Variants in LRRC37A2 observed in about 807,000 individuals in gnomAD.
The protein encoded by LRRC37A2 is leucine-rich repeat-containing protein 37A2.
Under a neutral mutation model 68.8 loss-of-function variants are expected in LRRC37A2, and 9 were observed. That is an observed-to-expected ratio of 0.13 (90% confidence interval 0.08 to 0.23). LRRC37A2 has a LOEUF of 0.23. LRRC37A2 is among the 10% of genes least tolerant of loss of function. The pLI is 1.00. For missense variants in LRRC37A2, 168 were observed against 950.4 expected, an observed-to-expected ratio of 0.18 and a Z score of 10.82; for synonymous variants, 63 against 367.6, an observed-to-expected ratio of 0.17 and a Z score of 9.48.
At chr17:46,928,635 G>A in the LRRC37A2 span, among the ~76,000 whole-genome samples, 11 of 152,098 alleles carry the variant, frequency 7.2e-5, no homozygotes, top group African/African-American at 9.7e-5. Flanking sequence ...CAGTTCCTTC[G>A]TTCCTTGATA....
At chr17:46,909,028 G>T in the LRRC37A2 span, among the ~76,000 whole-genome samples, 2 of 152,152 alleles carry the variant, frequency 1.3e-5, no homozygotes, top group Non-Finnish European at 2.9e-5. Flanking sequence ...CTCATCAGAG[G>T]CCAAAGGTTA....
the LRRC37A2 span, among the ~76,000 whole-genome samples, chr17:46,985,622 A>C: frequency 6.6e-6 from 1 of 151,720 alleles, no homozygotes; most frequent in Admixed American, 6.6e-5. Context: ...CACAGTGGAG[A>C]ATGAGACAGG....
At chr17:46,835,382 T>A in the LRRC37A2 span, among the ~76,000 whole-genome samples, 2 of 152,080 alleles carry the variant, frequency 1.3e-5, no homozygotes, top group Non-Finnish European at 2.9e-5. Flanking sequence ...CAGCTAATTT[T>A]TAATATTTTT....
the LRRC37A2 span, among the ~76,000 whole-genome samples, chr17:46,775,248 G>C: frequency 6.6e-6 from 1 of 152,230 alleles, no homozygotes; most frequent in Non-Finnish European, 1.5e-5. Flanking sequence ...GGAAACTGAG[G>C]TTTAGAGAGT....
the LRRC37A2 span, among the ~76,000 whole-genome samples, chr17:46,747,868 C>T: frequency 6.6e-6 from 1 of 151,986 alleles, no homozygotes; most frequent in Non-Finnish European, 1.5e-5. Context: ...TTTCCTAGAA[C>T]TGAATGATTG....
At chr17:46,788,492 C>T in the LRRC37A2 span, among the ~76,000 whole-genome samples, 25 of 152,178 alleles carry the variant, frequency 1.6e-4, no homozygotes, top group Admixed American at 1.2e-3. Context: ...CCCTCTTGTT[C>T]GCTTCTGACT....
chr17:47,014,604 T>A, the LRRC37A2 span, among the ~76,000 whole-genome samples: 57 of 151,428 alleles, frequency 3.8e-4, 2 homozygotes, highest in South Asian at 0.01. Flanking sequence ...TATTTGAAGT[T>A]TGGAGAGCAG....
chr17:46,735,996 A>G, the LRRC37A2 span, among the ~76,000 whole-genome samples: 1 of 152,108 alleles, frequency 6.6e-6, no homozygotes, highest in Admixed American at 6.6e-5. Context: ...AGCTTGTAAG[A>G]TAGGAAAACT....
chr17:46,724,581 C>T, the LRRC37A2 span, among the ~76,000 whole-genome samples: 2 of 152,204 alleles, frequency 1.3e-5, no homozygotes, highest in African/African-American at 2.4e-5. Context: ...TGGGGAAATA[C>T]TGCCTACCCT....
At chr17:46,816,986 T>C in the LRRC37A2 span, among the ~76,000 whole-genome samples, 1 of 152,204 alleles carries the variant, frequency 6.6e-6, no homozygotes. Flanking sequence ...TGGACTTCTT[T>C]ATGTGCTGGA....
the LRRC37A2 span, among the ~76,000 whole-genome samples, chr17:46,723,978 C>T: frequency 1.5e-4 from 23 of 152,258 alleles, no homozygotes; most frequent in African/African-American, 4.8e-4. Flanking sequence ...TCTTTACGTC[C>T]AAGTTCCTTC....
chr17:46,490,151 C>T, the LRRC37A2 span, among the ~76,000 whole-genome samples: 2 of 151,232 alleles, frequency 1.3e-5, no homozygotes, highest in African/African-American at 4.9e-5. Context: ...GTTCTTAGGG[C>T]ACCAATTAGT....
At chr17:46,966,736 T>A in the LRRC37A2 span, 1 of 473,434 alleles carries the variant, frequency 2.1e-6, no homozygotes, top group Non-Finnish European at 3.7e-6. Context: ...TTGAGCAATT[T>A]GTGCCTTGTT....
the LRRC37A2 span, chr17:47,018,250 A>G: frequency 6.2e-7 from 1 of 1,611,646 alleles, no homozygotes; most frequent in South Asian, 1.1e-5. Flanking sequence ...CCTATGGAGC[A>G]TGAACTTTCC....
At chr17:46,406,209 C>CA in the LRRC37A2 span, among the ~76,000 whole-genome samples, 1 of 31,534 alleles carries the variant, frequency 3.2e-5, no homozygotes, top group Non-Finnish European at 6.9e-5. Flanking sequence ...AAAGCTTGAG[C>CA]AAAAAAAATT....
chr17:46,812,043 G>C, the LRRC37A2 span, among the ~76,000 whole-genome samples: 1 of 152,168 alleles, frequency 6.6e-6, no homozygotes, highest in Non-Finnish European at 1.5e-5. Context: ...GAGACCCAGT[G>C]CTCCTTCCCA....
chr17:46,792,103 CA>C, the LRRC37A2 span, among the ~76,000 whole-genome samples: 1 of 152,162 alleles, frequency 6.6e-6, no homozygotes, highest in African/African-American at 2.4e-5. Flanking sequence ...CATTTAAAGT[CA>C]AAAAATTCTA....
At chr17:46,755,351 T>C in the LRRC37A2 span, 1 of 1,613,678 alleles carries the variant, frequency 6.2e-7, no homozygotes, top group African/African-American at 1.3e-5. Context: ...TTCTTGGCCC[T>C]CTTAAGAGAA....
the LRRC37A2 span, among the ~76,000 whole-genome samples, chr17:46,970,461 A>G: frequency 6.7e-6 from 1 of 149,082 alleles, no homozygotes; most frequent in African/African-American, 2.5e-5. Context: ...AATTGCTTGA[A>G]CCTGGGAGGC....
Sources: gnomAD v4.1 joint callset for allele counts (sites outside exome capture counted in the v4.1 genomes callset) on GRCh38, gnomAD v4.1.1 for gene constraint, MANE v1.5 for transcripts, NCBI Gene and HGNC (gene_info 2026-07-23, HGNC 2026-07-21) for gene names.